TMEM163: variants seen among roughly 807,000 people sequenced by gnomAD.
TMEM163 encodes the protein transmembrane protein 163.
A neutral mutation model predicts 29.3 loss-of-function variants in TMEM163; 17 were observed. That is an observed-to-expected ratio of 0.58 (90% confidence interval 0.40 to 0.87). TMEM163 has a LOEUF of 0.87. TMEM163 is among the 40% of genes least tolerant of loss of function. The pLI, the probability that TMEM163 is intolerant of heterozygous loss-of-function variation, is 0.00. For missense variants in TMEM163, 303 were observed against 381.5 expected, an observed-to-expected ratio of 0.79 and a Z score of 1.71; for synonymous variants, 157 against 160.6, an observed-to-expected ratio of 0.98 and a Z score of 0.17.
At position 134,511,598 on chromosome 2, in the gene TMEM163, C is replaced by T. The variant is rs998213683; in HGVS notation, c.459-8601G>A. Among the ~76,000 whole-genome samples, 5 of 152,196 alleles carry T rather than the reference C, an allele frequency of 3.3e-5. No individual in the cohort carries two copies. The South Asian group carries it at 6.2e-4, about 19-fold the overall frequency. ...TGATAGAACAAGGCAGGAGAAGCGG[C>T]AGCGCAGGGAACACGGGTCCTACAG... On this transcript the variant is annotated intron_variant, in intron 4 of 7. Transcript: ENST00000281924.
chr2:134,701,254 A>C (rs1476197362), intron 2 of TMEM163, among the ~76,000 whole-genome samples: 1 of 152,232 alleles, frequency 6.6e-6, no homozygotes, highest in Non-Finnish European at 1.5e-5. Flanking sequence ...AACAATTTTT[A>C]GAAGCTAGAA....
In TMEM163 at chr2:134,529,429, G is replaced by A. The variant is rs114471092; in HGVS notation, c.458+21141C>T. 6.5e-3 allele frequency among the ~76,000 whole-genome samples: 985 copies of A among 152,226 alleles called. 14 individuals carry two copies. The highest frequency in any genetic ancestry group is 0.023 in the African/African-American group (938 of 41,540). ...CTAACCATTCTCTGGGTGGTAGGATGAGGGGTGACTCTTCATACATTAAAT... is the reference window on the plus strand; with the variant it reads ...CTAACCATTCTCTGGGTGGTAGGATAAGGGGTGACTCTTCATACATTAAAT... On this transcript the variant is annotated intron_variant, in intron 4 of 7. Transcript: ENST00000281924.
chr2:134,552,656 C>CTTT lies in TMEM163; in HGVS notation c.323-568_323-566dup, dbSNP rs35785546. ...ATTCTAATTACGACATATTTTGATC[C>CTTT]TTTTTTTTTTTTTTTTTTTTTTTGA... On this transcript the variant is annotated intron_variant, in intron 2 of 7. Coordinates refer to ENST00000281924, the MANE Select transcript of TMEM163 (RefSeq NM_030923.5). Among the ~76,000 whole-genome samples, 505 of 113,476 alleles carry CTTT rather than the reference C, an allele frequency of 4.5e-3. 8 individuals carry two copies. The highest frequency in any genetic ancestry group is 0.014 in the African/African-American group (376 of 26,930). The allele number at this position is 113,476 out of a possible 152,430, so 74.4% of individuals were successfully genotyped here. A position where few individuals can be genotyped will look rare whatever the true frequency, so the allele number is the denominator to read the frequency against.
At chr2:134,584,664 CA>C (rs1461756060) in intron 2 of TMEM163, among the ~76,000 whole-genome samples, 1 of 149,022 alleles carries the variant, frequency 6.7e-6, no homozygotes, top group Non-Finnish European at 1.5e-5. Context: ...AGTACAAAGG[CA>C]TGTGATAAAG....
chr2:134,470,433 G>C (rs547099477), intron 5 of TMEM163, among the ~76,000 whole-genome samples: 2 of 151,704 alleles, frequency 1.3e-5, no homozygotes, highest in Non-Finnish European at 2.9e-5. Flanking sequence ...TGCTATATTA[G>C]TATTGGGAAG....
At chr2:134,629,930 A>G (rs1436019733) in intron 2 of TMEM163, among the ~76,000 whole-genome samples, 1 of 152,242 alleles carries the variant, frequency 6.6e-6, no homozygotes, top group African/African-American at 2.4e-5. Context: ...TAATGGGAAC[A>G]GCTACATCTA....
intron 4 of TMEM163, among the ~76,000 whole-genome samples, chr2:134,537,944 C>T (rs1014695747): frequency 7.9e-5 from 12 of 152,126 alleles, no homozygotes; most frequent in African/African-American, 2.9e-4. Context: ...ATGGCTGGAA[C>T]CAAAAAGACA....
intron 2 of TMEM163, among the ~76,000 whole-genome samples, chr2:134,643,007 A>C (rs930463274): frequency 1.3e-5 from 2 of 152,012 alleles, no homozygotes; most frequent in Non-Finnish European, 2.9e-5. Flanking sequence ...AATAATAAAG[A>C]GATCAGAAAC....
intron 2 of TMEM163, among the ~76,000 whole-genome samples, chr2:134,552,456 G>T (rs1344525101): frequency 1.3e-5 from 2 of 152,066 alleles, no homozygotes; most frequent in Non-Finnish European, 2.9e-5. Context: ...CCCATAATAA[G>T]GTGGTGTGGC....
At chr2:134,687,122 G>A (rs767321659) in intron 2 of TMEM163, among the ~76,000 whole-genome samples, 2 of 152,288 alleles carry the variant, frequency 1.3e-5, no homozygotes, top group South Asian at 2.1e-4. Flanking sequence ...GAAAGAAAGC[G>A]AGTTAGTACC....
In TMEM163 at chr2:134,664,866, T is replaced by G. The variant is rs552184079; in HGVS notation, c.322+48334A>C. Among the ~76,000 whole-genome samples the G allele has an allele frequency of 2.5e-4, 38 of 152,244 alleles. No homozygotes were observed. In the South Asian group the frequency reaches 5.0e-3, roughly 20 times the overall value. On this transcript the variant is annotated intron_variant, in intron 2 of 7. Coordinates refer to ENST00000281924, the MANE Select transcript of TMEM163 (RefSeq NM_030923.5). Reference sequence around the variant, plus strand: ...GTAACAGAATAAATTGTTGGGTTTTTTTTTGTTTTGTTTTATTTTGTTTTG... The same window carrying G: ...GTAACAGAATAAATTGTTGGGTTTTGTTTTGTTTTGTTTTATTTTGTTTTG...
At chr2:134,516,643 T>A (rs553276100) in intron 4 of TMEM163, among the ~76,000 whole-genome samples, 3 of 147,586 alleles carry the variant, frequency 2.0e-5, no homozygotes, top group Admixed American at 6.8e-5. Context: ...ATATTCATAC[T>A]TATATTCATA....
chr2:134,646,826 A>C (rs1424131808), intron 2 of TMEM163, among the ~76,000 whole-genome samples: 1 of 152,222 alleles, frequency 6.6e-6, no homozygotes, highest in Non-Finnish European at 1.5e-5. Flanking sequence ...TGGATTCATG[A>C]TGAAGGCATA....
intron 2 of TMEM163, among the ~76,000 whole-genome samples, chr2:134,582,818 T>A (rs1009329679): frequency 1.3e-5 from 2 of 151,784 alleles, no homozygotes; most frequent in Non-Finnish European, 1.5e-5. Context: ...GGGCTGGGGG[T>A]CGCCTCCATC....
chr2:134,680,644 T>C (rs1684210116), intron 2 of TMEM163, among the ~76,000 whole-genome samples: 1 of 152,208 alleles, frequency 6.6e-6, no homozygotes, highest in African/African-American at 2.4e-5. Context: ...GACAGCTACT[T>C]TGTATGTTGG....
At chr2:134,651,394 T>C in intron 2 of TMEM163, among the ~76,000 whole-genome samples, 1 of 135,534 alleles carries the variant, frequency 7.4e-6, no homozygotes. Flanking sequence ...TGGGGTTGTT[T>C]GTTTTTTTCT....
chr2:134,710,908 G>A (rs1004034847), intron 2 of TMEM163, among the ~76,000 whole-genome samples: 4 of 152,108 alleles, frequency 2.6e-5, no homozygotes, highest in Non-Finnish European at 4.4e-5. Flanking sequence ...TTAAAAATAC[G>A]AATTGATGCA....
intron 2 of TMEM163, among the ~76,000 whole-genome samples, chr2:134,574,516 C>T (rs1349431278): frequency 6.6e-5 from 10 of 152,064 alleles, no homozygotes; most frequent in African/African-American, 7.2e-5. Context: ...GCCAAGATCG[C>T]GCCACTGCAC....
chr2:134,480,810 G>T (rs1010126164), intron 5 of TMEM163, among the ~76,000 whole-genome samples: 1 of 137,778 alleles, frequency 7.3e-6, no homozygotes, highest in Non-Finnish European at 1.5e-5. Context: ...CCTCCAAAAT[G>T]TATCTAGGGA....
Sources: allele counts gnomAD v4.1 joint callset (sites outside exome capture counted in the v4.1 genomes callset), GRCh38; gene constraint gnomAD v4.1.1; transcripts MANE v1.5; gene names NCBI Gene and HGNC (gene_info 2026-07-23, HGNC 2026-07-21).